Variants in SEC24D observed in about 807,000 individuals in gnomAD.
SEC24D encodes the protein SEC24 homolog D, COPII component, also known as protein transport protein Sec24D.
Under a neutral mutation model 116.9 loss-of-function variants are expected in SEC24D, and 69 were observed. The ratio of observed to expected loss-of-function variants is 0.59; its 90% CI spans 0.49 to 0.72. The LOEUF (loss-of-function observed/expected upper bound fraction) is 0.72, where lower values mean the gene tolerates loss of function less well. Among genes scored for constraint, SEC24D ranks in the 30% least tolerant of loss-of-function variants. The pLI is 0.00. For missense variants in SEC24D, 1,131 were observed against 1,264.1 expected (o/e 0.89, Z 1.60); for synonymous variants, 405 against 442.8 (o/e 0.91, Z 1.07).
intron 8 of SEC24D, among the ~76,000 whole-genome samples, chr4:118,785,202 G>C (rs1453711316): frequency 2.0e-5 from 3 of 152,078 alleles, no homozygotes; most frequent in Non-Finnish European, 4.4e-5. Context: ...ATAAATGTTT[G>C]AGCACAGGCA....
At chr4:118,802,015 CAG>C (rs1183753129) in intron 7 of SEC24D, among the ~76,000 whole-genome samples, 1 of 152,144 alleles carries the variant, frequency 6.6e-6, no homozygotes, top group Non-Finnish European at 1.5e-5. Flanking sequence ...GGCTTAGAAA[CAG>C]AATACAGTAA....
intron 3 of SEC24D, among the ~76,000 whole-genome samples, chr4:118,820,425 C>T (rs889185142): frequency 6.6e-6 from 1 of 152,122 alleles, no homozygotes. Context: ...GTGATCCGCC[C>T]GCCTTGGCCT....
chr4:118,797,403 T>C lies in SEC24D; in HGVS notation c.1041+280A>G, dbSNP rs1729226015. Among the ~76,000 whole-genome samples the C allele has an allele frequency of 2.0e-5, 3 of 152,222 alleles. No homozygotes were observed. In the South Asian group the frequency reaches 6.2e-4, roughly 31 times the overall value. On this transcript the variant is annotated intron_variant, in intron 8 of 22. Transcript: ENST00000280551. ...ATCAGGGCCTTGTGACAAGTCACAA[T>C]ACTTTTACTGTGTGACATTCTATAT...
chr4:118,824,069 A>G (rs1371195478), intron 3 of SEC24D, among the ~76,000 whole-genome samples: 4 of 152,216 alleles, frequency 2.6e-5, no homozygotes, highest in South Asian at 2.1e-4. Context: ...ATAACTCAAA[A>G]CTAACATGTA....
chr4:118,738,043 A>C lies in SEC24D; in HGVS notation c.2496+218T>G, dbSNP rs571883166. 2.7e-4 allele frequency: 124 copies of C among 467,678 alleles called. 1 individual carries two copies. Among genetic ancestry groups the C allele is most frequent in the African/African-American group, 2.1e-3 (108 of 50,836 alleles). 29.0% of individuals were successfully genotyped at this position (467,678 alleles called of 1,614,324 possible). On this transcript the variant is annotated intron_variant, in intron 19 of 22. Transcript: ENST00000280551. ...TACATACCGTAGTGACTGTCAACTG[A>C]ATATGCACATCCATTTTTTTTGTTC...
At chr4:118,784,129 A>G (rs575368650) in intron 8 of SEC24D, among the ~76,000 whole-genome samples, 1 of 152,376 alleles carries the variant, frequency 6.6e-6, no homozygotes, top group East Asian at 1.9e-4. Context: ...TTGGTGAGTT[A>G]ATTTGATTTG....
At chr4:118,835,441 C>G (rs1453223327) in intron 1 of SEC24D, among the ~76,000 whole-genome samples, 5 of 152,208 alleles carry the variant, frequency 3.3e-5, no homozygotes, top group African/African-American at 1.2e-4. Flanking sequence ...AGAACGGCCC[C>G]CTGGCTCACT....
intron 9 of SEC24D, 54 bp downstream of exon 9, chr4:118,768,119 A>G: frequency 6.8e-7 from 1 of 1,476,016 alleles, no homozygotes; most frequent in Non-Finnish European, 9.4e-7. Flanking sequence ...AAGAAGTATA[A>G]TACATTTTAG....
intron 8 of SEC24D, among the ~76,000 whole-genome samples, chr4:118,781,812 T>C (rs1407335320): frequency 6.6e-6 from 1 of 152,202 alleles, no homozygotes; most frequent in Non-Finnish European, 1.5e-5. Flanking sequence ...TCTCCAAACT[T>C]CTCACTTTAT....
chr4:118,778,148 T>G (rs908781094), intron 8 of SEC24D, among the ~76,000 whole-genome samples: 2 of 152,230 alleles, frequency 1.3e-5, no homozygotes, highest in African/African-American at 4.8e-5. Flanking sequence ...TTGTCACCAT[T>G]GCTTTTGGTG....
In SEC24D at chr4:118,789,637, C is replaced by T. The variant is rs189845351; in HGVS notation, c.1041+8046G>A. ...TCTTACTCTGTCACTTAAGCTAGAG[C>T]GCAGTGGCGCAACCTTAGCTCACTG... On this transcript the variant is annotated intron_variant, in intron 8 of 22. Coordinates refer to ENST00000280551, the MANE Select transcript of SEC24D (RefSeq NM_014822.4). Among the ~76,000 whole-genome samples, 167 of 152,292 alleles carry T rather than the reference C, an allele frequency of 1.1e-3. 1 individual carries two copies. Among genetic ancestry groups the T allele is most frequent in the African/African-American group, 3.8e-3 (158 of 41,574 alleles).
At chr4:118,805,711 C>G (rs185411792) in intron 7 of SEC24D, 132 bp downstream of exon 7, 1 of 555,012 alleles carries the variant, frequency 1.8e-6, no homozygotes, top group Non-Finnish European at 3.1e-6. Context: ...GAGGGATTAA[C>G]AGAGAACTGA....
chr4:118,808,160 T>C (rs944560261), intron 6 of SEC24D, among the ~76,000 whole-genome samples: 1 of 152,172 alleles, frequency 6.6e-6, no homozygotes, highest in African/African-American at 2.4e-5. Context: ...GGGGTCTAAC[T>C]TTGTTGACCA....
chr4:118,826,216 A>G (rs1274556156), intron 2 of SEC24D, among the ~76,000 whole-genome samples: 2 of 152,060 alleles, frequency 1.3e-5, no homozygotes, highest in Middle Eastern at 3.2e-3. Context: ...TAAACCCCAA[A>G]CCCAGCAAAG....
In SEC24D at chr4:118,774,221, GTC is replaced by G. The variant is rs1283006025; in HGVS notation, c.1042-5912_1042-5911del. 1.4e-4 allele frequency among the ~76,000 whole-genome samples: 21 copies of G among 152,108 alleles called. No individual in the cohort carries two copies. In the East Asian group the frequency reaches 4.1e-3, roughly 29 times the overall value. ...TTTCTTTGAACAATACTATCAGAGA[GTC>G]TATTTGTTCTGTCTTAATTATATCT... On this transcript the variant is annotated intron_variant, in intron 8 of 22. Transcript: ENST00000280551.
At chr4:118,760,721 T>TG (rs1243652251) in intron 10 of SEC24D, 1 of 150,166 alleles carries the variant, frequency 6.7e-6, no homozygotes, top group African/African-American at 2.4e-5. Context: ...TTTTTTTTTG[T>TG]TTGTTTAAAG....
At chr4:118,805,134 G>C (rs764175323) in intron 7 of SEC24D, among the ~76,000 whole-genome samples, 1 of 152,132 alleles carries the variant, frequency 6.6e-6, no homozygotes, top group Admixed American at 6.5e-5. Flanking sequence ...TATAAGGTTA[G>C]CTCTGAAGGT....
chr4:118,821,347 G>A (rs1013715689), intron 3 of SEC24D, among the ~76,000 whole-genome samples: 1 of 152,050 alleles, frequency 6.6e-6, no homozygotes, highest in African/African-American at 2.4e-5. Flanking sequence ...AAACTTGATT[G>A]ATTGAATTTT....
intron 8 of SEC24D, among the ~76,000 whole-genome samples, chr4:118,783,178 TTC>T (rs900008379): frequency 2.0e-5 from 3 of 152,224 alleles, no homozygotes; most frequent in African/African-American, 7.2e-5. Flanking sequence ...ATCACCCGTC[TTC>T]TGCGTCAATC....
Sources: allele counts gnomAD v4.1 joint callset (sites outside exome capture counted in the v4.1 genomes callset), GRCh38; gene constraint gnomAD v4.1.1; transcripts MANE v1.5; gene names NCBI Gene and HGNC (gene_info 2026-07-23, HGNC 2026-07-21).